Variants in CHST3 observed in about 807,000 individuals in gnomAD.
CHST3 encodes carbohydrate sulfotransferase 3.
A neutral mutation model predicts 35.4 loss-of-function variants in CHST3; 20 were observed. The ratio of observed to expected loss-of-function variants is 0.57; its 90% CI spans 0.40 to 0.82. CHST3 has a LOEUF of 0.82. Among genes scored for constraint, CHST3 ranks in the 40% least tolerant of loss-of-function variants. The pLI, the probability that CHST3 is intolerant of heterozygous loss-of-function variation, is 0.00. For synonymous variants in CHST3, 334 were observed against 295.9 expected (o/e 1.13, Z -1.32); for missense variants, 693 against 670.1 (o/e 1.03, Z -0.38).
At chr10:72,004,542 T>C (rs1196444849) in intron 1 of CHST3, among the ~76,000 whole-genome samples, 1 of 152,198 alleles carries the variant, frequency 6.6e-6, no homozygotes, top group African/African-American at 2.4e-5. Flanking sequence ...AATTTACGTA[T>C]ACACATGGTA....
intron 1 of CHST3, among the ~76,000 whole-genome samples, chr10:71,991,931 GTCT>G (rs1839900340): frequency 1.0e-5 from 1 of 98,704 alleles, no homozygotes; most frequent in Non-Finnish European, 2.2e-5. Context: ...GCAAAACTCT[GTCT>G]GAAAAAAAAA....
At chr10:71,977,734 A>G (rs939818946) in intron 1 of CHST3, among the ~76,000 whole-genome samples, 1 of 151,902 alleles carries the variant, frequency 6.6e-6, no homozygotes, top group African/African-American at 2.4e-5. Context: ...CAGTGGCGTG[A>G]TCTCAGCTCA....
intron 1 of CHST3, among the ~76,000 whole-genome samples, chr10:71,991,352 G>A (rs776764567): frequency 2.0e-5 from 3 of 152,136 alleles, no homozygotes; most frequent in Non-Finnish European, 2.9e-5. Flanking sequence ...GTAGACTGTC[G>A]TTCTGCCCTG....
In CHST3 at chr10:72,007,198, C is replaced by A. The variant is rs749513659; in HGVS notation, c.167C>A (p.Pro56His). 3 of 1,614,156 alleles carry A rather than the reference C, an allele frequency of 1.9e-6. No individual in the cohort carries two copies. Among genetic ancestry groups the A allele is most frequent in the Non-Finnish European group, 2.5e-6 (3 of 1,180,044 alleles). Reference protein sequence around the residue: ...SRVSDKLKQIPQALADANSTD... With the variant: ...SRVSDKLKQIHQALADANSTD... ...GTCTCAGACAAGCTGAAGCAGATTC[C>A]CCAAGCTCTAGCAGATGCCAACAGC... Residue 56 changes from proline to histidine, a missense_variant, in exon 3 of 3, where the codon CCC becomes CAC. Transcript: ENST00000373115.
At chr10:71,998,846 G>T (rs903510161) in intron 1 of CHST3, among the ~76,000 whole-genome samples, 5 of 152,112 alleles carry the variant, frequency 3.3e-5, no homozygotes, top group Non-Finnish European at 7.4e-5. Context: ...GGAGCCCTGG[G>T]GTGCTCAGAT....
intron 1 of CHST3, among the ~76,000 whole-genome samples, chr10:71,980,414 A>C (rs1839789039): frequency 6.6e-6 from 1 of 151,894 alleles, no homozygotes; most frequent in African/African-American, 2.4e-5. Context: ...ATACAGAGGC[A>C]TTCTGATATT....
intron 1 of CHST3, among the ~76,000 whole-genome samples, chr10:71,969,361 C>CGG (rs1289499469): frequency 1.3e-5 from 2 of 152,218 alleles, no homozygotes; most frequent in Non-Finnish European, 2.9e-5. Flanking sequence ...CGTTTTCAGT[C>CGG]GGGGTGGTAT....
rs754258548 is a variant in CHST3, at chr10:72,007,760, G to T, written c.729G>T (p.Glu243Asp). The T allele has an allele frequency of 6.2e-7, 1 of 1,601,866 alleles. No individual in the cohort carries two copies. Among genetic ancestry groups the T allele is most frequent in the South Asian group, 1.1e-5 (1 of 91,050 alleles). ...VCTPFVKKVF[E>D]KYHCKNRRCG... is the part of the protein sequence containing the mutation. ...CGCCCTTCGTCAAGAAGGTCTTCGA[G>T]AAGTACCACTGCAAGAACCGCCGCT... Residue 243 changes from glutamate (E) to aspartate (D), a missense_variant, in exon 3 of 3, where the codon GAG (glutamate) becomes GAT (aspartate). Transcript: ENST00000373115.
intron 1 of CHST3, among the ~76,000 whole-genome samples, chr10:71,986,457 C>T (rs1234111989): frequency 1.3e-5 from 2 of 152,358 alleles, no homozygotes; most frequent in East Asian, 3.9e-4. Flanking sequence ...TGCCATCCTC[C>T]ACCCATGATA....
intron 1 of CHST3, among the ~76,000 whole-genome samples, chr10:71,995,022 G>C (rs1337089047): frequency 6.6e-6 from 1 of 152,158 alleles, no homozygotes; most frequent in African/African-American, 2.4e-5. Context: ...TGTTGTGGTT[G>C]GTTTGATTTT....
intron 1 of CHST3, among the ~76,000 whole-genome samples, chr10:71,970,156 G>C (rs926392678): frequency 6.6e-6 from 1 of 152,116 alleles, no homozygotes; most frequent in African/African-American, 2.4e-5. Flanking sequence ...TGGCTGCTGG[G>C]CCGCCACCAG....
At chr10:71,997,771 A>C (rs1053251888) in intron 1 of CHST3, among the ~76,000 whole-genome samples, 9 of 147,468 alleles carry the variant, frequency 6.1e-5, no homozygotes, top group Non-Finnish European at 8.9e-5. Context: ...TCATTCAAGC[A>C]TTTCTCCTGC....
chr10:72,008,056 G>A lies in CHST3; in HGVS notation c.1025G>A (p.Arg342Gln). 2.6e-6 allele frequency: 4 copies of A among 1,549,098 alleles called. No homozygotes were observed. In the East Asian group the frequency reaches 7.3e-5, roughly 28 times the overall value. Reference sequence around the variant, plus strand: ...AGGGAAGAGGAGGTGCAGCGGCTGCGGGGCAACTGCGAGAGCATCCGCCTG... The same window carrying A: ...AGGGAAGAGGAGGTGCAGCGGCTGCAGGGCAACTGCGAGAGCATCCGCCTG... The part of the protein sequence containing the change: ...GLREEEVQRL[R>Q]GNCESIRLSA... Residue 342 changes from arginine to glutamine, a missense_variant, in exon 3 of 3, where the codon CGG (arginine) becomes CAG (glutamine). Arg to Gln is a conservative substitution (Grantham distance 43). Transcript: ENST00000373115.
chr10:72,003,486 G>A (rs1350362068), intron 1 of CHST3, among the ~76,000 whole-genome samples: 1 of 152,092 alleles, frequency 6.6e-6, no homozygotes, highest in African/African-American at 2.4e-5. Flanking sequence ...GATCACCTGA[G>A]GTCAGGAGTT....
chr10:72,002,241 A>C (rs1251242013), intron 1 of CHST3, among the ~76,000 whole-genome samples: 1 of 152,204 alleles, frequency 6.6e-6, no homozygotes, highest in Non-Finnish European at 1.5e-5. Flanking sequence ...GTCAAGAAGG[A>C]TCTTAGGAAA....
chr10:72,007,597 G>C lies in CHST3; in HGVS notation c.566G>C (p.Arg189Pro). The change falls in exon 3 of 3, where the codon CGC (arginine) becomes CCC (proline). Residue 189 changes from arginine (R) to proline (P), a missense_variant. By Grantham distance (103) the Arg-to-Pro change is moderately radical (BLOSUM62 -2). Transcript: ENST00000373115. ...GCCGCGGGCTCGGCCCTGGTGTACC[G>C]CGACGTGCTCAAGCAGCTCTTCCTG... ...ANAAGSALVY[R>P]DVLKQLFLCD... 2 of 1,609,624 alleles carry C rather than the reference G, an allele frequency of 1.2e-6. No homozygotes were observed. The highest frequency in any genetic ancestry group is 1.7e-6 in the Non-Finnish European group (2 of 1,179,716).
intron 1 of CHST3, among the ~76,000 whole-genome samples, chr10:71,986,101 TCTC>T (rs1211618255): frequency 6.6e-6 from 1 of 152,218 alleles, no homozygotes; most frequent in African/African-American, 2.4e-5. Context: ...ACAGACCTGT[TCTC>T]CTGGCATCCC....
intron 1 of CHST3, among the ~76,000 whole-genome samples, chr10:71,995,836 A>G (rs115144134): frequency 0.015 from 2,255 of 152,294 alleles, 56 homozygotes; most frequent in African/African-American, 0.051. Context: ...CATAACAGAT[A>G]TAATAATAAT....
In CHST3 at chr10:71,995,736, C is replaced by T. The variant is rs117648654; in HGVS notation, c.-107-10000C>T. On this transcript the variant is annotated intron_variant, in intron 1 of 2. Coordinates refer to ENST00000373115, the MANE Select transcript of CHST3 (RefSeq NM_004273.5). ...GGGCAGTCAGAACACAGACATTTATCGATTAAATCCATTGTCTTCTATGGG... is the reference window on the plus strand; with the variant it reads ...GGGCAGTCAGAACACAGACATTTATTGATTAAATCCATTGTCTTCTATGGG... Among the ~76,000 whole-genome samples the T allele has an allele frequency of 5.3e-5, 8 of 152,264 alleles. No individual in the cohort carries two copies. In the East Asian group the frequency reaches 1.5e-3, roughly 29 times the overall value.
Sources: allele counts gnomAD v4.1 joint callset (sites outside exome capture counted in the v4.1 genomes callset), GRCh38; gene constraint gnomAD v4.1.1; transcripts MANE v1.5; gene names NCBI Gene and HGNC (gene_info 2026-07-23, HGNC 2026-07-21).